CAMTA1: variants seen among roughly 807,000 people sequenced by gnomAD.
The protein encoded by CAMTA1 is calmodulin binding transcription activator 1.
In CAMTA1, 27 loss-of-function variants were observed where a neutral mutation model predicts 170.9. The observed-to-expected ratio is 0.16, with a 90% CI of 0.12 to 0.22. The LOEUF (loss-of-function observed/expected upper bound fraction) is 0.22. Ranked by LOEUF, CAMTA1 falls within the 10% of genes least tolerant of loss-of-function variation. CAMTA1 has a pLI of 1.00. For missense variants in CAMTA1, 1,619 were observed against 2,217.2 expected (o/e 0.73, Z 5.42); for synonymous variants, 833 against 891.5 (o/e 0.93, Z 1.17).
At chr1:7,490,839 C>T (rs2093692939) in intron 6 of CAMTA1, among the ~76,000 whole-genome samples, 1 of 152,142 alleles carries the variant, frequency 6.6e-6, no homozygotes, top group African/African-American at 2.4e-5. Flanking sequence ...GAGGTGCTTT[C>T]CTCTCTCAGG....
intron 5 of CAMTA1, among the ~76,000 whole-genome samples, chr1:7,310,835 A>G (rs1425326991): frequency 6.6e-6 from 1 of 151,250 alleles, no homozygotes; most frequent in Non-Finnish European, 1.5e-5. Flanking sequence ...GGTTCAAGCA[A>G]TTCTCGTGCC....
At chr1:7,715,823 T>C (rs1488503362) in intron 11 of CAMTA1, among the ~76,000 whole-genome samples, 1 of 152,202 alleles carries the variant, frequency 6.6e-6, no homozygotes, top group Non-Finnish European at 1.5e-5. Flanking sequence ...TATTCTGATG[T>C]GGCATAAGGA....
At chr1:7,017,825 C>T (rs1474082765) in intron 3 of CAMTA1, among the ~76,000 whole-genome samples, 2 of 152,178 alleles carry the variant, frequency 1.3e-5, no homozygotes, top group Non-Finnish European at 2.9e-5. Flanking sequence ...CACGTTGCCC[C>T]CAGCAGAAGT....
chr1:7,308,336 C>T (rs185369372), intron 5 of CAMTA1, among the ~76,000 whole-genome samples: 3 of 151,778 alleles, frequency 2.0e-5, no homozygotes, highest in Non-Finnish European at 4.4e-5. Context: ...CTATTTTTTT[C>T]ATTTTCAATT....
chr1:6,880,862 C>T (rs1309591521), intron 3 of CAMTA1, among the ~76,000 whole-genome samples: 1 of 151,964 alleles, frequency 6.6e-6, no homozygotes, highest in African/African-American at 2.4e-5. Context: ...TAGAATGAAG[C>T]AATAAACAAA....
intron 3 of CAMTA1, among the ~76,000 whole-genome samples, chr1:7,071,462 T>G (rs1025415168): frequency 6.6e-6 from 1 of 152,228 alleles, no homozygotes; most frequent in Non-Finnish European, 1.5e-5. Context: ...TGTTTTTAAT[T>G]ATTATTTTAA....
At chr1:7,091,487 G>T (rs2148136585) in intron 4 of CAMTA1, 116 bp downstream of exon 4, 1 of 778,638 alleles carries the variant, frequency 1.3e-6, no homozygotes, top group East Asian at 2.5e-5. Context: ...GCCATGTTGT[G>T]CTGGATGGCT....
intron 5 of CAMTA1, among the ~76,000 whole-genome samples, chr1:7,420,353 G>T (rs1318093703): frequency 1.3e-5 from 2 of 152,052 alleles, no homozygotes; most frequent in Non-Finnish European, 2.9e-5. Flanking sequence ...TTTCTCCATT[G>T]CTTTTCTTAC....
At chr1:6,927,118 G>A (rs943002751) in intron 3 of CAMTA1, among the ~76,000 whole-genome samples, 1 of 151,728 alleles carries the variant, frequency 6.6e-6, no homozygotes, top group African/African-American at 2.4e-5. Flanking sequence ...TCAAACTCTA[G>A]GGCTCAGGTG....
intron 16 of CAMTA1, among the ~76,000 whole-genome samples, chr1:7,739,477 C>G (rs936670078): frequency 6.6e-6 from 1 of 152,156 alleles, no homozygotes; most frequent in Non-Finnish European, 1.5e-5. Flanking sequence ...TCTGACCTAC[C>G]GTATTAGTCC....
chr1:6,905,279 C>T (rs997670506), intron 3 of CAMTA1, among the ~76,000 whole-genome samples: 13 of 150,584 alleles, frequency 8.6e-5, no homozygotes, highest in Non-Finnish European at 1.8e-4. Flanking sequence ...CTGCAACCTC[C>T]ACCTCCCGGG....
chr1:7,706,909 C>T (rs1482814318), intron 11 of CAMTA1, among the ~76,000 whole-genome samples: 3 of 116,916 alleles, frequency 2.6e-5, no homozygotes, highest in Admixed American at 1.1e-4. Flanking sequence ...TTTTTTGAGA[C>T]GGAGTCTCGC....
intron 7 of CAMTA1, among the ~76,000 whole-genome samples, chr1:7,643,751 C>G (rs946240513): frequency 2.0e-5 from 3 of 152,246 alleles, no homozygotes; most frequent in Admixed American, 2.0e-4. Context: ...GGAAGCAGAG[C>G]CGCACACAAT....
At chr1:6,987,914 C>T (rs75366621) in intron 3 of CAMTA1, among the ~76,000 whole-genome samples, 1,873 of 152,168 alleles carry the variant, frequency 0.012, 32 homozygotes, top group African/African-American at 0.043. Context: ...CAGCAAGAGC[C>T]GGCGTCTGTC....
At chr1:7,153,475 G>C (rs1018329008) in intron 4 of CAMTA1, among the ~76,000 whole-genome samples, 8 of 152,136 alleles carry the variant, frequency 5.3e-5, no homozygotes, top group African/African-American at 1.9e-4. Context: ...GAAATGGCTT[G>C]CTTCCCTGCC....
At chr1:7,143,169 C>A (rs987985021) in intron 4 of CAMTA1, among the ~76,000 whole-genome samples, 11 of 152,060 alleles carry the variant, frequency 7.2e-5, no homozygotes, top group Non-Finnish European at 1.2e-4. Flanking sequence ...AAGGTGGGGT[C>A]GTCAGCAGCA....
intron 3 of CAMTA1, among the ~76,000 whole-genome samples, chr1:6,994,157 T>C (rs1295087642): frequency 6.6e-6 from 1 of 152,222 alleles, no homozygotes; most frequent in Non-Finnish European, 1.5e-5. Context: ...TATCTATATA[T>C]GCTATAAGCC....
At chr1:7,100,680 G>A in intron 4 of CAMTA1, among the ~76,000 whole-genome samples, 1 of 152,150 alleles carries the variant, frequency 6.6e-6, no homozygotes, top group East Asian at 1.9e-4. Flanking sequence ...ACCAAGCCCC[G>A]GCGCTGGCCT....
intron 5 of CAMTA1, among the ~76,000 whole-genome samples, chr1:7,397,737 A>G (rs1039071567): frequency 2.0e-5 from 3 of 151,986 alleles, no homozygotes; most frequent in Admixed American, 6.6e-5. Flanking sequence ...TCATTGATCC[A>G]TTGGTAATTC....
Sources: gnomAD v4.1 joint callset for allele counts (sites outside exome capture counted in the v4.1 genomes callset) on GRCh38, gnomAD v4.1.1 for gene constraint, MANE v1.5 for transcripts, NCBI Gene and HGNC (gene_info 2026-07-23, HGNC 2026-07-21) for gene names.